ADRA1A: variants seen among roughly 807,000 people sequenced by gnomAD.
The protein encoded by ADRA1A is alpha-1A adrenergic receptor.
In ADRA1A, 31 loss-of-function variants were observed where a neutral mutation model predicts 29.6. The ratio of observed to expected loss-of-function variants is 1.05; its 90% CI spans 0.79 to 1.41. The LOEUF (loss-of-function observed/expected upper bound fraction) is 1.41, where lower values mean the gene tolerates loss of function less well. ADRA1A is among the 40% of genes most tolerant of loss of function. The probability of loss-of-function intolerance (pLI) is 0.00; values close to 1 mark genes in which losing one functional copy is unlikely to be tolerated. For synonymous variants in ADRA1A, 311 were observed against 254.3 expected (o/e 1.22, Z -2.12); for missense variants, 619 against 601.1 (o/e 1.03, Z -0.31).
intron 2 of ADRA1A, among the ~76,000 whole-genome samples, chr8:26,833,883 A>G (rs1356571095): frequency 2.0e-5 from 3 of 152,198 alleles, no homozygotes; most frequent in Admixed American, 1.3e-4. Context: ...TGTATTTAGC[A>G]TTGTTCTGGA....
At chr8:26,777,729 T>A (rs1806656278) in intron 2 of ADRA1A, among the ~76,000 whole-genome samples, 1 of 152,202 alleles carries the variant, frequency 6.6e-6, no homozygotes, top group South Asian at 2.1e-4. Context: ...AGGAATGGAA[T>A]TAGCTCTCCT....
chr8:26,751,502 AG>A (rs1804925859), downstream of ADRA1A, among the ~76,000 whole-genome samples: 1 of 152,254 alleles, frequency 6.6e-6, no homozygotes, highest in African/African-American at 2.4e-5. Context: ...TGAAAAGTAA[AG>A]GAACAGAGTT....
intron 2 of ADRA1A, among the ~76,000 whole-genome samples, chr8:26,830,206 G>A (rs571156264): frequency 1.1e-4 from 16 of 152,320 alleles, no homozygotes; most frequent in East Asian, 5.8e-4. Flanking sequence ...AGAGAAAGCC[G>A]AAGGATGGGT....
Position 26,825,460 on chromosome 8 carries a change from G to T in ADRA1A, c.883+38627C>A, listed in dbSNP as rs554499784. Among the ~76,000 whole-genome samples the T allele has an allele frequency of 6.6e-6, 1 of 152,006 alleles. No individual in the cohort carries two copies. The highest frequency in any genetic ancestry group is 2.4e-5 in the African/African-American group (1 of 41,358). Reference sequence around the variant, plus strand: ...CCGCCCTACTTCGTTTCCTATAAGGGGACCAGGAACACTTTTCACTGGTCA... The same window carrying T: ...CCGCCCTACTTCGTTTCCTATAAGGTGACCAGGAACACTTTTCACTGGTCA... On this transcript the variant is annotated intron_variant, in intron 2 of 2. Coordinates refer to ENST00000380573, the MANE Select transcript of ADRA1A (RefSeq NM_000680.4). The surrounding 1 kb of genome is among the most constrained non-coding windows in gnomAD (Gnocchi z 5.7).
chr8:26,770,464 C>T lies in ADRA1A; in HGVS notation c.1086G>A (p.Pro362=), dbSNP rs759960165. ...SKHALGYTLH[P]PSQAVEGQHK... ...GTTGCCCTTCCACGGCCTGGCTGGG[C>T]GGGTGCAGGGTGTAGCCCAGGGCAT... The change falls in exon 3 of 3, where the codon CCG becomes CCA. Residue 362 remains proline, a synonymous_variant. Coordinates refer to ENST00000380573, the MANE Select transcript of ADRA1A (RefSeq NM_000680.4). 27 of 1,614,152 alleles carry T rather than the reference C, an allele frequency of 1.7e-5. No individual in the cohort carries two copies. Among genetic ancestry groups the T allele is most frequent in the Admixed American group, 3.3e-5 (2 of 60,018 alleles).
At chr8:26,768,172 A>T (rs978696241), downstream of ADRA1A, among the ~76,000 whole-genome samples, 2 of 152,218 alleles carry the variant, frequency 1.3e-5, no homozygotes, top group Non-Finnish European at 2.9e-5. Flanking sequence ...CTCCATTGCA[A>T]TGTGGAAAGA....
chr8:26,867,038 A>G lies in ADRA1A; in HGVS notation c.-789T>C. 1 of 985,228 alleles carries G rather than the reference A, an allele frequency of 1.0e-6. No homozygotes were observed. The highest frequency in any genetic ancestry group is 1.2e-6 in the Non-Finnish European group (1 of 829,932). The allele number at this position is 985,228 out of a possible 1,614,324, so 61.0% of individuals were successfully genotyped here. A position where few individuals can be genotyped will look rare whatever the true frequency, so the allele number is the denominator to read the frequency against. On this transcript the variant is annotated 5_prime_UTR_variant, in exon 1 of 3. Coordinates refer to ENST00000380573, the MANE Select transcript of ADRA1A (RefSeq NM_000680.4). ...GCTCTTCTCTGGAGGCGGAGAGGGGACCGTGTCTCCGAGGCACCAAATCCT... is the reference window on the plus strand; with the variant it reads ...GCTCTTCTCTGGAGGCGGAGAGGGGGCCGTGTCTCCGAGGCACCAAATCCT...
rs542501949 is a variant in ADRA1A, at chr8:26,848,366, T to C, written c.883+15721A>G. ...AGGAGGTGGGGCCTTTGGGAGGTGA[T>C]TAGGACTAGATGATGTCACGAGGGT... On this transcript the variant is annotated intron_variant, in intron 2 of 2. Transcript: ENST00000380573. This position sits in a 1 kb window ranked among gnomAD's most constrained non-coding sequence, Gnocchi z 4.3. Among the ~76,000 whole-genome samples, 1 of 152,264 alleles carries C rather than the reference T, an allele frequency of 6.6e-6. No homozygotes were observed. The highest frequency in any genetic ancestry group is 1.9e-4 in the East Asian group (1 of 5,172).
chr8:26,852,688 A>G (rs1029963754), intron 2 of ADRA1A, among the ~76,000 whole-genome samples: 1 of 152,186 alleles, frequency 6.6e-6, no homozygotes, highest in Non-Finnish European at 1.5e-5. Context: ...TTGCATCCAT[A>G]AAAGGAGCTG....
chr8:26,799,302 TG>T (rs1808407248), intron 2 of ADRA1A, among the ~76,000 whole-genome samples: 1 of 152,206 alleles, frequency 6.6e-6, no homozygotes, highest in Non-Finnish European at 1.5e-5. Context: ...TTCTAAATTG[TG>T]GCACAGAGAA....
At chr8:26,828,996 T>C (rs1289573649) in intron 2 of ADRA1A, among the ~76,000 whole-genome samples, 1 of 152,238 alleles carries the variant, frequency 6.6e-6, no homozygotes. Flanking sequence ...TAAGGTTTTA[T>C]GCATGAGATG....
chr8:26,838,122 A>G (rs940333862), intron 2 of ADRA1A, among the ~76,000 whole-genome samples: 6 of 152,202 alleles, frequency 3.9e-5, no homozygotes, highest in African/African-American at 1.4e-4. Flanking sequence ...TTAATGATAC[A>G]GATGTTCTAC....
intron 2 of ADRA1A, among the ~76,000 whole-genome samples, chr8:26,857,442 G>A (rs1274514697): frequency 6.6e-6 from 1 of 152,104 alleles, no homozygotes; most frequent in Non-Finnish European, 1.5e-5. Flanking sequence ...TAAAGAAAAA[G>A]GATTGCTTGA....
At chr8:26,772,782 C>T (rs1806265493) in intron 2 of ADRA1A, among the ~76,000 whole-genome samples, 1 of 152,076 alleles carries the variant, frequency 6.6e-6, no homozygotes, top group South Asian at 2.1e-4. Context: ...CCAAAGAAGA[C>T]ACAATAGTGT....
chr8:26,775,744 C>G lies in ADRA1A; in HGVS notation c.884-5078G>C, dbSNP rs1563243067. ...CATTTGGTCTGCTGCAGAATTTCTG[C>G]CTCTTTCCTGACCCTCTGGACACCC... On this transcript the variant is annotated intron_variant, in intron 2 of 2. Transcript: ENST00000380573. The surrounding 1 kb of genome is among the most constrained non-coding windows in gnomAD (Gnocchi z 4.1). 6.6e-6 allele frequency among the ~76,000 whole-genome samples: 1 copy of G among 152,152 alleles called. No homozygotes were observed. Among genetic ancestry groups the G allele is most frequent in the Non-Finnish European group, 1.5e-5 (1 of 68,022 alleles).
At chr8:26,756,347 T>C, downstream of ADRA1A, 1 of 1,025,190 alleles carries the variant, frequency 9.8e-7, no homozygotes, top group South Asian at 1.7e-5. Context: ...GTTCCCCTTT[T>C]AAAAATGCCA....
chr8:26,749,075 A>G (rs1250335359), intron 2 of ADRA1A, among the ~76,000 whole-genome samples: 1 of 152,240 alleles, frequency 6.6e-6, no homozygotes, highest in Non-Finnish European at 1.5e-5. Flanking sequence ...GTCTCAAAAC[A>G]GTTTCAAAAA....
Position 26,791,181 on chromosome 8 carries a change from A to G in ADRA1A, c.884-20515T>C, listed in dbSNP as rs183897705. 2.0e-4 allele frequency among the ~76,000 whole-genome samples: 31 copies of G among 152,296 alleles called. No individual in the cohort carries two copies. In the East Asian group the frequency reaches 4.2e-3, roughly 21 times the overall value. On this transcript the variant is annotated intron_variant, in intron 2 of 2. Coordinates refer to ENST00000380573, the MANE Select transcript of ADRA1A (RefSeq NM_000680.4). ...AGAACACAATTTTTCATGGCATCTTAGTATTTCATTGCATGAATATAACAA... is the reference window on the plus strand; with the variant it reads ...AGAACACAATTTTTCATGGCATCTTGGTATTTCATTGCATGAATATAACAA...
downstream of ADRA1A, chr8:26,765,975 T>A (rs1050421251): frequency 5.6e-5 from 90 of 1,593,548 alleles, no homozygotes; most frequent in Admixed American, 1.2e-4. Context: ...GAACAAGCGA[T>A]GTCACATAAT....
Sources: gnomAD v4.1 joint callset for allele counts (sites outside exome capture counted in the v4.1 genomes callset) on GRCh38, gnomAD v4.1.1 for gene constraint, Gnocchi (gnomAD v3.1) non-coding constraint, MANE v1.5 for transcripts, NCBI Gene and HGNC (gene_info 2026-07-23, HGNC 2026-07-21) for gene names.